The following CASK variants were observed in gnomAD, a reference collection of about 807,000 sequenced individuals.
The protein encoded by CASK is calcium/calmodulin dependent serine protein kinase.
CASK carries 4 observed loss-of-function variants against 82.9 expected under a neutral mutation model. The ratio of observed to expected loss-of-function variants is 0.05; its 90% CI spans 0.02 to 0.11. The LOEUF is 0.11. Among genes scored for constraint, CASK ranks in the 10% least tolerant of loss-of-function variants. CASK has a pLI of 1.00. For synonymous variants in CASK, 259 were observed against 253.5 expected (o/e 1.02, Z -0.20); for missense variants, 358 against 720.9 (o/e 0.50, Z 5.76).
At chrX:41,596,015 T>G (rs1444873813) in intron 12 of CASK, among the ~76,000 whole-genome samples, 2 of 110,162 alleles carry the variant, frequency 1.8e-5, no homozygotes, top group Non-Finnish European at 3.8e-5. Flanking sequence ...GCCAACATGA[T>G]GAAACCCCAT....
At chrX:41,850,595 T>G (rs974627050) in intron 2 of CASK, among the ~76,000 whole-genome samples, 1 of 112,282 alleles carries the variant, frequency 8.9e-6, no homozygotes, top group African/African-American at 3.2e-5. Flanking sequence ...AATATAGATA[T>G]TTCTAGATAT....
At chrX:41,573,445 T>C (rs751216900) in intron 15 of CASK, among the ~76,000 whole-genome samples, 2 of 110,891 alleles carry the variant, frequency 1.8e-5, no homozygotes, top group South Asian at 7.6e-4. Flanking sequence ...TGAACTCCAA[T>C]TAACCATGTA....
At chrX:41,586,056 A>G (rs1459180907) in intron 14 of CASK, 1 of 111,491 alleles carries the variant, frequency 9.0e-6, no homozygotes, top group Non-Finnish European at 1.9e-5. Context: ...AGGCTTAGGC[A>G]GGAGAATTGC....
At chrX:41,538,946 G>C (rs1415697073) in intron 22 of CASK, among the ~76,000 whole-genome samples, 1 of 111,605 alleles carries the variant, frequency 9.0e-6, no homozygotes. Flanking sequence ...GTGTGCTGGA[G>C]AATGAGCGTC....
chrX:41,782,038 G>T (rs2069488973), intron 3 of CASK, among the ~76,000 whole-genome samples: 1 of 111,387 alleles, frequency 9.0e-6, no homozygotes. Context: ...ATCATGACAT[G>T]ATATTAAGGA....
chrX:41,824,117 A>T (rs2070607465), intron 2 of CASK, among the ~76,000 whole-genome samples: 1 of 112,083 alleles, frequency 8.9e-6, no homozygotes, highest in Non-Finnish European at 1.9e-5. Context: ...TAGTCATATG[A>T]AGCAAAAACG....
At chrX:41,672,360 T>A (rs1463544553) in intron 5 of CASK, among the ~76,000 whole-genome samples, 1 of 110,995 alleles carries the variant, frequency 9.0e-6, no homozygotes, top group Non-Finnish European at 1.9e-5. Context: ...GGGGCTGGTG[T>A]CAGGAAAGAA....
chrX:41,709,899 A>T (rs943385030), intron 5 of CASK, among the ~76,000 whole-genome samples: 5 of 110,560 alleles, frequency 4.5e-5, no homozygotes, highest in African/African-American at 1.6e-4. Flanking sequence ...GGAGCAGGGG[A>T]CTTCACCTTA....
At chrX:41,739,005 T>C (rs2068550336) in intron 5 of CASK, among the ~76,000 whole-genome samples, 1 of 112,304 alleles carries the variant, frequency 8.9e-6, no homozygotes, top group African/African-American at 3.2e-5. Flanking sequence ...CATTGCAATA[T>C]TATGAAAATA....
At chrX:41,691,634 G>A in intron 5 of CASK, among the ~76,000 whole-genome samples, 1 of 108,716 alleles carries the variant, frequency 9.2e-6, no homozygotes, top group East Asian at 2.9e-4. Flanking sequence ...AGAGGCGGGC[G>A]GAAAATGAGG....
chrX:41,808,669 G>A lies in CASK; in HGVS notation c.173-21386C>T, dbSNP rs184296928. Among the ~76,000 whole-genome samples the A allele has an allele frequency of 1.7e-3, 194 of 112,302 alleles. 1 individual carries two copies. Among genetic ancestry groups the A allele is most frequent in the African/African-American group, 6.0e-3 (185 of 30,970 alleles). ...GCGACGCAGAAGACGGGTGATTTCTGCATTTCCAACTGAGGTACCGGGTTC... is the reference window on the plus strand; with the variant it reads ...GCGACGCAGAAGACGGGTGATTTCTACATTTCCAACTGAGGTACCGGGTTC... On this transcript the variant is annotated intron_variant, in intron 2 of 26. Transcript: ENST00000378163.
intron 5 of CASK, among the ~76,000 whole-genome samples, chrX:41,698,983 G>A (rs1260452064): frequency 9.0e-6 from 1 of 111,235 alleles, no homozygotes. Context: ...TTGGAGTACA[G>A]TGGCGTGATC....
At chrX:41,525,167 C>T (rs1200344790) in intron 25 of CASK, among the ~76,000 whole-genome samples, 12 of 111,314 alleles carry the variant, frequency 1.1e-4, no homozygotes, top group Non-Finnish European at 1.9e-5. Flanking sequence ...CCATGGCTCC[C>T]CTGCTCAGAA....
chrX:41,921,202 T>C (rs750357276), intron 1 of CASK, among the ~76,000 whole-genome samples: 3 of 112,292 alleles, frequency 2.7e-5, no homozygotes, highest in Non-Finnish European at 5.6e-5. Context: ...TGGGAACAAC[T>C]TGGGTATGTG....
rs1409765044 is a variant in CASK, at chrX:41,923,032, C to T, written c.-44G>A. 5.2e-6 allele frequency: 6 copies of T among 1,151,028 alleles called. No homozygotes were observed. The highest frequency in any genetic ancestry group is 1.8e-5 in the South Asian group (1 of 55,321). The allele number at this position is 1,151,028 out of a possible 1,213,427, so 94.9% of individuals were successfully genotyped here. A position where few individuals can be genotyped will look rare whatever the true frequency, so the allele number is the denominator to read the frequency against. ...GCCGCAGCGTGGAGGGCTTCGAAAA[C>T]GGGGGTGGGGGCGCCCAAGAGCTCA... is the stretch of plus-strand genomic sequence containing the variant. On this transcript the variant is annotated 5_prime_UTR_variant, in exon 1 of 27. Transcript: ENST00000378163.
intron 5 of CASK, chrX:41,695,469 G>A (rs980253054): frequency 2.3e-6 from 1 of 439,290 alleles, no homozygotes; most frequent in Non-Finnish European, 4.0e-6. Context: ...GCGTGTGCTG[G>A]GAAGCCCAGC....
intron 8 of CASK, among the ~76,000 whole-genome samples, chrX:41,651,767 C>T (rs750009084): frequency 9.9e-5 from 11 of 111,641 alleles, no homozygotes; most frequent in South Asian, 3.8e-4. Context: ...TATAATACAA[C>T]GAACATTCAT....
chrX:41,870,473 A>G (rs1278590067), intron 1 of CASK, among the ~76,000 whole-genome samples: 2 of 112,394 alleles, frequency 1.8e-5, no homozygotes, highest in African/African-American at 6.5e-5. Flanking sequence ...TTCAGGCAGA[A>G]GGAAAACTAC....
chrX:41,580,700 G>A (rs867494672), intron 14 of CASK, among the ~76,000 whole-genome samples: 2 of 111,234 alleles, frequency 1.8e-5, no homozygotes, highest in Non-Finnish European at 3.8e-5. Context: ...ACAGAAAAAG[G>A]GGGCCACTTA....
Sources: allele counts gnomAD v4.1 joint callset (sites outside exome capture counted in the v4.1 genomes callset), GRCh38; gene constraint gnomAD v4.1.1; transcripts MANE v1.5; gene names NCBI Gene and HGNC (gene_info 2026-07-23, HGNC 2026-07-21).